Variants in VDAC1 observed in about 807,000 individuals in gnomAD.
VDAC1 encodes non-selective voltage-gated ion channel VDAC1.
A neutral mutation model predicts 34.7 loss-of-function variants in VDAC1; 10 were observed. That is an observed-to-expected ratio of 0.29 (90% confidence interval 0.18 to 0.49). The LOEUF (loss-of-function observed/expected upper bound fraction) is 0.49. Among genes scored for constraint, VDAC1 ranks in the 20% least tolerant of loss-of-function variants. The pLI, the probability that VDAC1 is intolerant of heterozygous loss-of-function variation, is 0.99. For synonymous variants in VDAC1, 130 were observed against 136.0 expected, an observed-to-expected ratio of 0.96 and a Z score of 0.30; for missense variants, 230 against 347.9, an observed-to-expected ratio of 0.66 and a Z score of 2.69.
intron 3 of VDAC1, among the ~76,000 whole-genome samples, chr5:133,991,549 A>G (rs1753105715): frequency 6.6e-6 from 1 of 152,228 alleles, no homozygotes; most frequent in African/African-American, 2.4e-5. Context: ...GACTACTAAG[A>G]TTACTTTAAA....
intron 3 of VDAC1, 26 bp downstream of exon 3, chr5:133,992,280 T>A (rs768851525): frequency 1.5e-4 from 224 of 1,491,062 alleles, no homozygotes; most frequent in Middle Eastern, 7.2e-4. Flanking sequence ...TAAATACTCA[T>A]GTTCCATGTG....
At chr5:134,027,480 C>A in the VDAC1 span, among the ~76,000 whole-genome samples, 2 of 152,070 alleles carry the variant, frequency 1.3e-5, no homozygotes, top group Non-Finnish European at 2.9e-5. Context: ...CAGGGAGAGA[C>A]AAAGTATTTG....
chr5:134,027,372 G>A, the VDAC1 span, among the ~76,000 whole-genome samples: 1 of 152,194 alleles, frequency 6.6e-6, no homozygotes, highest in African/African-American at 2.4e-5. Flanking sequence ...CAGTTCCCGA[G>A]CAGCAAGGTG....
At chr5:134,045,340 A>G in the VDAC1 span, among the ~76,000 whole-genome samples, 1 of 152,340 alleles carries the variant, frequency 6.6e-6, no homozygotes, top group Admixed American at 6.5e-5. Flanking sequence ...AAAGTGCCAC[A>G]AACTTAGTGG....
intron 5 of VDAC1, among the ~76,000 whole-genome samples, chr5:133,983,628 C>T (rs1177446702): frequency 6.6e-6 from 1 of 152,122 alleles, no homozygotes; most frequent in East Asian, 1.9e-4. Context: ...ATAAAGCCAG[C>T]ACCCCTCCCA....
At chr5:134,110,913 G>A in the VDAC1 span, among the ~76,000 whole-genome samples, 4 of 152,198 alleles carry the variant, frequency 2.6e-5, no homozygotes, top group East Asian at 3.8e-4. Flanking sequence ...CTCAGGCCAT[G>A]AGAACATTCA....
At chr5:134,106,746 A>G in the VDAC1 span, among the ~76,000 whole-genome samples, 1 of 152,176 alleles carries the variant, frequency 6.6e-6, no homozygotes. Flanking sequence ...AGGGTAAGTG[A>G]CAAAGAGGGT....
chr5:133,990,864 G>C lies in VDAC1; in HGVS notation c.314C>G (p.Pro105Arg). ...CAGATGAAACTCTTACCCAGTGTTA[G>C]GTGAGAAGGATGAATCGAAGGTCAG... ...LKLTFDSSFSPNTGKKNAKIK... is the reference protein window; with the variant it reads ...LKLTFDSSFSRNTGKKNAKIK... The change falls in exon 5 of 9, where the codon CCT becomes CGT. Residue 105 changes from proline to arginine, a missense_variant. Pro to Arg is a moderately radical substitution (Grantham distance 103, BLOSUM62 -2). Transcript: ENST00000265333. 6.4e-7 allele frequency: 1 copy of C among 1,558,814 alleles called. No homozygotes were observed. Among genetic ancestry groups the C allele is most frequent in the Non-Finnish European group, 8.7e-7 (1 of 1,151,390 alleles).
intron 8 of VDAC1, 56 bp downstream of exon 8, chr5:133,973,735 C>T (rs1466258308): frequency 1.8e-5 from 28 of 1,550,194 alleles, no homozygotes; most frequent in Non-Finnish European, 2.4e-5. Flanking sequence ...ATCAGCAAAC[C>T]AGCACCACAA....
chr5:133,978,235 T>G (rs1220678609), intron 6 of VDAC1, among the ~76,000 whole-genome samples: 1 of 152,012 alleles, frequency 6.6e-6, no homozygotes, highest in Non-Finnish European at 1.5e-5. Context: ...GGCAAAATCA[T>G]AGCTCACTGT....
the VDAC1 span, among the ~76,000 whole-genome samples, chr5:134,084,986 A>AC: frequency 8.5e-5 from 13 of 152,100 alleles, no homozygotes; most frequent in Non-Finnish European, 1.3e-4. Context: ...TCACCTCTCT[A>AC]CCTCACAGGC....
chr5:134,017,330 G>A, the VDAC1 span, among the ~76,000 whole-genome samples: 3 of 152,206 alleles, frequency 2.0e-5, no homozygotes, highest in East Asian at 5.8e-4. Flanking sequence ...GCCGGGCGTA[G>A]TGGCACATGC....
At chr5:134,034,040 C>T in the VDAC1 span, among the ~76,000 whole-genome samples, 1 of 151,858 alleles carries the variant, frequency 6.6e-6, no homozygotes, top group Non-Finnish European at 1.5e-5. Context: ...ATAATAGAAC[C>T]AGCCACGTGA....
the VDAC1 span, among the ~76,000 whole-genome samples, chr5:134,057,276 TGGAGAC>T: frequency 6.6e-6 from 1 of 152,096 alleles, no homozygotes; most frequent in African/African-American, 2.4e-5. Flanking sequence ...GGTCAGGAGT[TGGAGAC>T]CAGCCTGGCC....
At chr5:134,033,703 G>T in the VDAC1 span, among the ~76,000 whole-genome samples, 1 of 150,374 alleles carries the variant, frequency 6.7e-6, no homozygotes, top group African/African-American at 2.4e-5. Flanking sequence ...AAAAAGAGTC[G>T]AAATATAGGC....
the VDAC1 span, chr5:134,081,991 T>TA: frequency 1.2e-5 from 2 of 164,800 alleles, no homozygotes; most frequent in African/African-American, 2.4e-5. Flanking sequence ...CTGAGCCAGA[T>TA]ACATTCCAAC....
chr5:134,084,587 A>G, the VDAC1 span, among the ~76,000 whole-genome samples: 1 of 152,102 alleles, frequency 6.6e-6, no homozygotes, highest in African/African-American at 2.4e-5. Context: ...GGTCCTGGCT[A>G]CCTCCAGCCT....
intron 6 of VDAC1, among the ~76,000 whole-genome samples, chr5:133,977,956 C>T (rs1350601899): frequency 1.3e-5 from 2 of 152,118 alleles, no homozygotes. Context: ...GGTCTTCAAG[C>T]CTGCCTAGAC....
At chr5:134,035,561 A>C in the VDAC1 span, among the ~76,000 whole-genome samples, 1 of 152,242 alleles carries the variant, frequency 6.6e-6, no homozygotes, top group African/African-American at 2.4e-5. Flanking sequence ...TTTGAGCAAC[A>C]AAATAAATAA....
Sources: allele counts gnomAD v4.1 joint callset (sites outside exome capture counted in the v4.1 genomes callset), GRCh38; gene constraint gnomAD v4.1.1; transcripts MANE v1.5; gene names NCBI Gene and HGNC (gene_info 2026-07-23, HGNC 2026-07-21).